POLK: variants seen among roughly 807,000 people sequenced by gnomAD.
The protein encoded by POLK is DNA polymerase kappa, also known as polymerase (DNA directed) kappa.
A neutral mutation model predicts 94.0 loss-of-function variants in POLK; 76 were observed. The ratio of observed to expected loss-of-function variants is 0.81; its 90% CI spans 0.67 to 0.98. The LOEUF (loss-of-function observed/expected upper bound fraction) is 0.98, where lower values mean the gene tolerates loss of function less well. Among genes scored for constraint, POLK ranks in the 50% least tolerant of loss-of-function variants. The probability of loss-of-function intolerance (pLI) is 0.00; values close to 1 mark genes in which losing one functional copy is unlikely to be tolerated. For synonymous variants in POLK, 349 were observed against 325.4 expected (o/e 1.07, Z -0.78); for missense variants, 954 against 1,010.1 (o/e 0.94, Z 0.75).
intron 3 of POLK, among the ~76,000 whole-genome samples, chr5:75,565,967 C>G (rs1771244172): frequency 6.6e-6 from 1 of 152,254 alleles, no homozygotes. Context: ...GTGCCCACAA[C>G]TGCCCCTTTC....
At chr5:75,511,223 G>C, upstream of POLK, 1 of 1,612,066 alleles carries the variant, frequency 6.2e-7, no homozygotes, top group Admixed American at 1.7e-5. Flanking sequence ...CTCGACAACC[G>C]AGCAGGAGAC....
At chr5:75,540,225 G>A (rs1769668151) in intron 1 of POLK, among the ~76,000 whole-genome samples, 1 of 151,648 alleles carries the variant, frequency 6.6e-6, no homozygotes, top group Admixed American at 6.6e-5. Context: ...AAATAGCACA[G>A]TATCTCAATT....
intron 1 of POLK, among the ~76,000 whole-genome samples, chr5:75,515,347 C>T (rs1768274320): frequency 6.6e-6 from 1 of 152,052 alleles, no homozygotes; most frequent in South Asian, 2.1e-4. Context: ...ATAGCAAACC[C>T]AAATTTTTAT....
chr5:75,554,726 TAGCTCCCACTTATA>T (rs1770514737), intron 3 of POLK, among the ~76,000 whole-genome samples: 1 of 152,154 alleles, frequency 6.6e-6, no homozygotes, highest in African/African-American at 2.4e-5. Flanking sequence ...TTTCATGATT[TAGCTCCCACTTATA>T]AGTGAGAACA....
rs1011387585 is a variant in POLK at position 75,584,747 on chromosome 5, G to T, written c.1060-13G>T. On this transcript the variant is annotated splice_polypyrimidine_tract_variant and intron_variant, in intron 8 of 14. Coordinates refer to ENST00000241436, the Ensembl canonical transcript of POLK. ...TTAAAATCTATTAATAATAAATATT[G>T]ATTCTTTTCTAGGTTTCTGGAATAG... The T allele has an allele frequency of 7.9e-6, 11 of 1,393,186 alleles. No individual in the cohort carries two copies. In the South Asian group the frequency reaches 1.2e-4, roughly 15 times the overall value. 86.3% of individuals were successfully genotyped at this position (1,393,186 alleles called of 1,614,324 possible).
intron 11 of POLK, among the ~76,000 whole-genome samples, chr5:75,591,518 A>G (rs1473358792): frequency 6.6e-6 from 1 of 152,206 alleles, no homozygotes; most frequent in Non-Finnish European, 1.5e-5. Context: ...CTCCATTATT[A>G]ACATATTACC....
chr5:75,541,869 TGAA>T (rs1769760192), intron 1 of POLK, among the ~76,000 whole-genome samples: 1 of 152,212 alleles, frequency 6.6e-6, no homozygotes, highest in South Asian at 2.1e-4. Flanking sequence ...GTAAAATAAT[TGAA>T]GAACATGGAA....
chr5:75,590,407 G>A (rs1436085200), exon 11 of POLK: 1 of 1,609,650 alleles, frequency 6.2e-7, no homozygotes, highest in South Asian at 1.1e-5. Flanking sequence ...TTTGCAGTGA[G>A]CTTGCTCAGG....
intron 2 of POLK, among the ~76,000 whole-genome samples, chr5:75,548,876 T>G (rs1436251556): frequency 6.6e-6 from 1 of 152,142 alleles, no homozygotes; most frequent in African/African-American, 2.4e-5. Context: ...CTTTTGCAGA[T>G]TTGAAAATTC....
At chr5:75,574,603 A>T (rs1201170795) in intron 5 of POLK, among the ~76,000 whole-genome samples, 1 of 152,232 alleles carries the variant, frequency 6.6e-6, no homozygotes, top group Non-Finnish European at 1.5e-5. Context: ...ACTTAAAAAA[A>T]CTGTGACCTA....
intron 12 of POLK, among the ~76,000 whole-genome samples, chr5:75,595,248 G>GAAAAAA (rs58783164): frequency 0.039 from 965 of 24,878 alleles, 196 homozygotes; most frequent in African/African-American, 0.075. Context: ...CTCCACCTCA[G>GAAAAAA]AAAAAAAAAA....
chr5:75,547,808 G>A (rs1424073408), intron 2 of POLK, among the ~76,000 whole-genome samples: 1 of 152,174 alleles, frequency 6.6e-6, no homozygotes, highest in East Asian at 1.9e-4. Context: ...ATATCTGAGA[G>A]TATGTATTAC....
chr5:75,562,199 A>G (rs1157112016), intron 3 of POLK, among the ~76,000 whole-genome samples: 2 of 152,122 alleles, frequency 1.3e-5, no homozygotes, highest in African/African-American at 2.4e-5. Flanking sequence ...AGTGGTTTGT[A>G]GCTCTCCTTG....
rs540197603 is a variant in POLK, at chr5:75,563,930, T to C, written c.256-5410T>C. The stretch of plus-strand genomic sequence containing the variant: ...TAGGTCTGCTTGGTCCAGAGCTGAG[T>C]TCAAGTCCTGAATATCCATGTTAAT... On this transcript the variant is annotated intron_variant, in intron 3 of 14. Transcript: ENST00000241436. Among the ~76,000 whole-genome samples the C allele has an allele frequency of 2.0e-5, 3 of 152,316 alleles. No individual in the cohort carries two copies. In the South Asian group the frequency reaches 6.2e-4, roughly 32 times the overall value.
rs1769464171 is a variant in POLK, at chr5:75,536,739, A to G, written c.-13-10271A>G. 2.6e-5 allele frequency among the ~76,000 whole-genome samples: 4 copies of G among 152,270 alleles called. No homozygotes were observed. The South Asian group carries it at 8.3e-4, about 32-fold the overall frequency. On this transcript the variant is annotated intron_variant, in intron 1 of 14. Coordinates refer to ENST00000241436, the Ensembl canonical transcript of POLK. ...GTGTTGCCCCCCAGCTACCAGAGGCAGGGATGGGCAGGGTGACATGCTGTC... is the reference window on the plus strand; with the variant it reads ...GTGTTGCCCCCCAGCTACCAGAGGCGGGGATGGGCAGGGTGACATGCTGTC...
At chr5:75,592,803 C>T (rs1483810604) in intron 11 of POLK, among the ~76,000 whole-genome samples, 1 of 152,066 alleles carries the variant, frequency 6.6e-6, no homozygotes, top group African/African-American at 2.4e-5. Flanking sequence ...CCTGTAATCC[C>T]AGCACATTGG....
chr5:75,541,040 T>TC (rs1769710451), intron 1 of POLK, among the ~76,000 whole-genome samples: 1 of 152,098 alleles, frequency 6.6e-6, no homozygotes, highest in African/African-American at 2.4e-5. Flanking sequence ...TCCCAGCACT[T>TC]TAGGAGACAG....
intron 10 of POLK, 122 bp from the exon 11 acceptor site, chr5:75,590,222 A>G (rs539301670): frequency 2.1e-5 from 10 of 482,906 alleles, no homozygotes; most frequent in African/African-American, 1.9e-4. Context: ...TTCATCTGAA[A>G]ACTTTATTTT....
At chr5:75,527,704 G>A (rs1768942709) in intron 1 of POLK, among the ~76,000 whole-genome samples, 1 of 151,866 alleles carries the variant, frequency 6.6e-6, no homozygotes, top group Non-Finnish European at 1.5e-5. Flanking sequence ...CTTTTTATAA[G>A]GTATCTCAAA....
Sources: gnomAD v4.1 joint callset for allele counts (sites outside exome capture counted in the v4.1 genomes callset) on GRCh38, gnomAD v4.1.1 for gene constraint, MANE v1.5 for transcripts, NCBI Gene and HGNC (gene_info 2026-07-23, HGNC 2026-07-21) for gene names.